MAP2K5: variants seen among roughly 807,000 people sequenced by gnomAD.
MAP2K5 encodes the protein mitogen-activated protein kinase kinase 5.
A neutral mutation model predicts 83.1 loss-of-function variants in MAP2K5; 49 were observed. That is an observed-to-expected ratio of 0.59 (90% CI 0.47 to 0.75). The LOEUF is 0.75. Among genes scored for constraint, MAP2K5 ranks in the 30% least tolerant of loss-of-function variants. MAP2K5 has a pLI of 0.00. For synonymous variants in MAP2K5, 202 were observed against 191.8 expected, an observed-to-expected ratio of 1.05 and a Z score of -0.44; for missense variants, 457 against 557.5, an observed-to-expected ratio of 0.82 and a Z score of 1.82.
At chr15:67,789,265 T>C (rs1272480208) in intron 21 of MAP2K5, among the ~76,000 whole-genome samples, 2 of 152,198 alleles carry the variant, frequency 1.3e-5, no homozygotes, top group African/African-American at 2.4e-5. Flanking sequence ...TCATAGGATA[T>C]TTTGACCATT....
chr15:67,796,959 G>A (rs910220306), intron 21 of MAP2K5, among the ~76,000 whole-genome samples: 5 of 152,180 alleles, frequency 3.3e-5, no homozygotes, highest in Admixed American at 6.5e-5. Context: ...GGCACACATT[G>A]TGTCTGTTCA....
intron 13 of MAP2K5, among the ~76,000 whole-genome samples, chr15:67,684,192 A>C (rs1355522956): frequency 6.6e-6 from 1 of 152,224 alleles, no homozygotes; most frequent in Non-Finnish European, 1.5e-5. Flanking sequence ...CTAGACAACC[A>C]ACTACTGTTT....
At chr15:67,582,326 C>T (rs1439172625) in intron 4 of MAP2K5, among the ~76,000 whole-genome samples, 1 of 152,130 alleles carries the variant, frequency 6.6e-6, no homozygotes, top group Non-Finnish European at 1.5e-5. Flanking sequence ...TCCCAAAGTG[C>T]TGGGATTACA....
At chr15:67,699,247 C>T (rs1567369226) in intron 15 of MAP2K5, among the ~76,000 whole-genome samples, 2 of 151,936 alleles carry the variant, frequency 1.3e-5, no homozygotes, top group African/African-American at 4.8e-5. Context: ...ATGGGAGCCC[C>T]ATCACTGCTT....
intron 8 of MAP2K5, among the ~76,000 whole-genome samples, chr15:67,601,923 T>C (rs138740810): frequency 1.6e-4 from 24 of 152,388 alleles, no homozygotes; most frequent in African/African-American, 5.0e-4. Context: ...TAAGAACTTA[T>C]GTTCACATGT....
intron 12 of MAP2K5, among the ~76,000 whole-genome samples, chr15:67,663,520 G>A (rs762614259): frequency 6.6e-6 from 1 of 152,066 alleles, no homozygotes; most frequent in Non-Finnish European, 1.5e-5. Context: ...TCTGACTCCT[G>A]ATGGGAAAAG....
At chr15:67,557,903 G>A (rs544593479) in intron 2 of MAP2K5, among the ~76,000 whole-genome samples, 2 of 152,224 alleles carry the variant, frequency 1.3e-5, no homozygotes, top group African/African-American at 2.4e-5. Context: ...AGTAAAACTA[G>A]GTAAGTTAGT....
intron 9 of MAP2K5, among the ~76,000 whole-genome samples, chr15:67,645,707 A>G (rs1015474616): frequency 2.6e-5 from 4 of 151,140 alleles, no homozygotes; most frequent in African/African-American, 9.7e-5. Context: ...CGATCATACT[A>G]CACACAGGTA....
intron 13 of MAP2K5, among the ~76,000 whole-genome samples, chr15:67,683,772 A>AAAAC (rs1304575570): frequency 5.3e-5 from 8 of 152,202 alleles, no homozygotes; most frequent in East Asian, 1.9e-4. Flanking sequence ...AAAACAAAAC[A>AAAAC]AAACAAACAA....
chr15:67,602,189 TC>T (rs2141028490), intron 8 of MAP2K5, among the ~76,000 whole-genome samples: 1 of 152,330 alleles, frequency 6.6e-6, no homozygotes, highest in Non-Finnish European at 1.5e-5. Flanking sequence ...ATCTTAGTCT[TC>T]TCTTCCTTAC....
rs549054433 is a variant in MAP2K5 at position 67,552,392 on chromosome 15, A to G, written c.184+2310A>G. 3.9e-5 allele frequency among the ~76,000 whole-genome samples: 6 copies of G among 152,176 alleles called. No homozygotes were observed. Among genetic ancestry groups the G allele is most frequent in the Non-Finnish European group, 7.4e-5 (5 of 68,024 alleles). On this transcript the variant is annotated intron_variant, in intron 2 of 21. Coordinates refer to ENST00000178640, the MANE Select transcript of MAP2K5 (RefSeq NM_145160.3). The surrounding 1 kb of genome is among the most constrained non-coding windows in gnomAD (Gnocchi z 4.2). The stretch of plus-strand genomic sequence containing the variant: ...ACAGATGCTTTGCTAAGAGCATTCC[A>G]TGGGTTATCTTATTTCTTTTAACCA...
At position 67,685,254 on chromosome 15, in the gene MAP2K5, G is replaced by A. The variant is rs186974458; in HGVS notation, c.848-7225G>A. ...AGAAACAAAGATAAGATTGACAGCC[G>A]ACTTCATGTCACAAGCTATGCAAGC... On this transcript the variant is annotated intron_variant, in intron 13 of 21. Coordinates refer to ENST00000178640, the MANE Select transcript of MAP2K5 (RefSeq NM_145160.3). 1.6e-3 allele frequency among the ~76,000 whole-genome samples: 245 copies of A among 152,246 alleles called. 2 individuals are homozygous for A. Among genetic ancestry groups the A allele is most frequent in the African/African-American group, 5.5e-3 (227 of 41,552 alleles).
intron 13 of MAP2K5, among the ~76,000 whole-genome samples, chr15:67,671,037 T>G (rs1413438585): frequency 6.6e-6 from 1 of 152,252 alleles, no homozygotes; most frequent in Non-Finnish European, 1.5e-5. Context: ...ACTGACTGAC[T>G]GCCTCACTGG....
chr15:67,692,525 G>C lies in MAP2K5; in HGVS notation c.894G>C (p.Lys298Asn). The C allele has an allele frequency of 6.2e-7, 1 of 1,613,650 alleles. No homozygotes were observed. The highest frequency in any genetic ancestry group is 8.5e-7 in the Non-Finnish European group (1 of 1,179,662). ...NMLVNTRGQV[K>N]LCDFGVSTQL... ...TAGTAAACACAAGAGGACAGGTTAA[G>C]CTGTGTGATTTTGGAGTTAGCACTC... The change falls in exon 14 of 22, where the codon AAG becomes AAC. Residue 298 changes from lysine to asparagine, a missense_variant. Coordinates refer to ENST00000178640, the MANE Select transcript of MAP2K5 (RefSeq NM_145160.3).
intron 12 of MAP2K5, chr15:67,658,914 T>C (rs1020950604): frequency 6.5e-6 from 3 of 463,106 alleles, no homozygotes; most frequent in Admixed American, 5.2e-5. Context: ...GTTTTTTGTT[T>C]TGTTTTTACA....
chr15:67,760,214 A>G lies in MAP2K5; in HGVS notation c.1135-9388A>G, dbSNP rs970872900. 2.6e-5 allele frequency among the ~76,000 whole-genome samples: 4 copies of G among 152,232 alleles called. No homozygotes were observed. The highest frequency in any genetic ancestry group is 5.9e-5 in the Non-Finnish European group (4 of 68,044). ...CATTAACATTCTACCAAAACACAGC[A>G]GTAATCCAAAAGTTAATGTTCTGTT... On this transcript the variant is annotated intron_variant, in intron 19 of 21. Coordinates refer to ENST00000178640, the MANE Select transcript of MAP2K5 (RefSeq NM_145160.3). The surrounding 1 kb of genome is among the most constrained non-coding windows in gnomAD (Gnocchi z 4.1).
At chr15:67,547,064 C>G (rs1319370489) in intron 1 of MAP2K5, among the ~76,000 whole-genome samples, 2 of 67,154 alleles carry the variant, frequency 3.0e-5, no homozygotes, top group African/African-American at 5.6e-5. Context: ...GACCCTATCT[C>G]AAAAAAGAAG....
intron 7 of MAP2K5, among the ~76,000 whole-genome samples, chr15:67,600,294 G>A (rs1342837641): frequency 6.6e-6 from 1 of 152,162 alleles, no homozygotes; most frequent in Non-Finnish European, 1.5e-5. Flanking sequence ...TTAGATTACT[G>A]AGTGTGTGTG....
chr15:67,548,539 G>T (rs1279467455), intron 1 of MAP2K5, among the ~76,000 whole-genome samples: 1 of 152,186 alleles, frequency 6.6e-6, no homozygotes, highest in Admixed American at 6.5e-5. Flanking sequence ...CATTTGTTAG[G>T]TACAGCTAAG....
Sources: allele counts gnomAD v4.1 joint callset (sites outside exome capture counted in the v4.1 genomes callset), GRCh38; gene constraint gnomAD v4.1.1; non-coding constraint Gnocchi (gnomAD v3.1); transcripts MANE v1.5; gene names NCBI Gene and HGNC (gene_info 2026-07-23, HGNC 2026-07-21).